Variants in GPI observed in about 807,000 individuals in gnomAD.
The protein encoded by GPI is D-hexose-6-phosphate anomerase.
Under a neutral mutation model 75.8 loss-of-function variants are expected in GPI, and 56 were observed. The observed-to-expected ratio is 0.74, with a 90% CI of 0.60 to 0.92. The LOEUF is 0.92. GPI is among the 40% of genes least tolerant of loss of function. The pLI is 0.00. For synonymous variants in GPI, 288 were observed against 285.4 expected (o/e 1.01, Z -0.09); for missense variants, 638 against 741.0 (o/e 0.86, Z 1.61).
chr19:34,377,253 G>C (rs1488272185), intron 4 of GPI, among the ~76,000 whole-genome samples: 2 of 119,914 alleles, frequency 1.7e-5, no homozygotes, highest in Non-Finnish European at 1.6e-5. Flanking sequence ...AGGGAGCCGA[G>C]ATCATGCCAC....
At chr19:34,396,962 C>T (rs8191424) in intron 14 of GPI, among the ~76,000 whole-genome samples, 20,494 of 152,102 alleles carry the variant, frequency 0.13, 1,931 homozygotes, top group African/African-American at 0.26. Context: ...TGGCACTCAC[C>T]ACCATGGCCA....
chr19:34,367,027 AC>A (rs1373742294), intron 3 of GPI, 176 bp downstream of exon 3: 1 of 703,284 alleles, frequency 1.4e-6, no homozygotes, highest in Admixed American at 2.0e-5. Flanking sequence ...TGTGCCTTCC[AC>A]AAGATTGGTT....
At chr19:34,380,345 A>G (rs7408956) in intron 8 of GPI, among the ~76,000 whole-genome samples, 50,993 of 151,350 alleles carry the variant, frequency 0.34, 12,225 homozygotes, top group African/African-American at 0.68. Flanking sequence ...GTGCAGTGGT[A>G]CGATCTTGGC....
In GPI at chr19:34,366,770, C is replaced by G; in HGVS notation, c.214-13C>G. 3 of 1,606,042 alleles carry G rather than the reference C, an allele frequency of 1.9e-6. No individual in the cohort carries two copies. The highest frequency in any genetic ancestry group is 2.0e-4 in the Middle Eastern group (1 of 4,904). On this transcript the variant is annotated splice_polypyrimidine_tract_variant and intron_variant, in intron 2 of 17. Coordinates refer to ENST00000356487, the MANE Select transcript of GPI (RefSeq NM_000175.5). ...TGTGGGTGGGACCAGGCCTCAGTAT[C>G]GTCTCTTCCTAGGCCAAGTCCAGGG...
At chr19:34,377,966 T>C (rs1007527307) in intron 6 of GPI, 85 bp downstream of exon 6, 11 of 1,362,442 alleles carry the variant, frequency 8.1e-6, no homozygotes, top group Non-Finnish European at 1.0e-5. Context: ...CCCCTGGCCA[T>C]TGGTCCCTTT....
rs1335452979 is a variant in GPI at position 34,372,817 on chromosome 19, A to G, written c.402+4115A>G. On this transcript the variant is annotated intron_variant, in intron 4 of 17. Transcript: ENST00000356487. ...GAGACAGAGTCTCTCTCTTTCACCC[A>G]GGCTGGAGTGCAATGGCCTGATCTC... Among the ~76,000 whole-genome samples the G allele has an allele frequency of 2.0e-5, 3 of 151,928 alleles. No individual in the cohort carries two copies. In the East Asian group the frequency reaches 5.9e-4, roughly 30 times the overall value.
chr19:34,381,105 G>T, intron 8 of GPI: 1 of 378,964 alleles, frequency 2.6e-6, no homozygotes, highest in Non-Finnish European at 5.1e-6. Context: ...CCTAGGTTCG[G>T]TTCCCAGATG....
Position 34,381,447 on chromosome 19 carries a change from TTTG to T in GPI, c.751-16_751-14del, listed in dbSNP as rs1320407737. On this transcript the variant is annotated splice_polypyrimidine_tract_variant and intron_variant, in intron 8 of 17. Coordinates refer to ENST00000356487, the MANE Select transcript of GPI (RefSeq NM_000175.5). The stretch of plus-strand genomic sequence containing the variant: ...AAATGCTTCTTTGCATTTCTCTCCC[TTTG>T]TTTTTTTTTTTGTAGACCAAAGTGA... 7.0e-6 allele frequency: 11 copies of T among 1,570,402 alleles called. No individual in the cohort carries two copies. Among genetic ancestry groups the T allele is most frequent in the Non-Finnish European group, 9.6e-6 (11 of 1,141,604 alleles).
In GPI at chr19:34,378,379, A is replaced by T. The variant is rs8191373; in HGVS notation, c.633+498A>T. Among the ~76,000 whole-genome samples the T allele has an allele frequency of 9.1e-4, 138 of 151,798 alleles. 1 individual carries two copies. The highest frequency in any genetic ancestry group is 3.4e-3 in the Middle Eastern group (1 of 292). On this transcript the variant is annotated intron_variant, in intron 6 of 17. Coordinates refer to ENST00000356487, the MANE Select transcript of GPI (RefSeq NM_000175.5). ...GGCTAATTTTATTATTTATTTATTT[A>T]TTATTATTATTTTTTAGTAGAGATG...
rs561276701 is a variant in GPI, at chr19:34,392,985, C to T, written c.805-263C>T. The T allele has an allele frequency of 3.6e-5, 19 of 525,382 alleles. No homozygotes were observed. In the East Asian group the frequency reaches 6.7e-4, roughly 19 times the overall value. 32.5% of individuals were successfully genotyped at this position (525,382 alleles called of 1,614,324 possible). On this transcript the variant is annotated intron_variant, in intron 9 of 17. Coordinates refer to ENST00000356487, the MANE Select transcript of GPI (RefSeq NM_000175.5). ...TATGAGGTCCTGGGTCTGCTGGTGT[C>T]TGCAGAGACAGGGCCCGACATCTCA...
upstream of GPI, among the ~76,000 whole-genome samples, chr19:34,363,834 C>G (rs1205797884): frequency 1.3e-5 from 2 of 151,778 alleles, no homozygotes; most frequent in African/African-American, 4.8e-5. Context: ...AACAAACAAA[C>G]AAAAAAAGAA....
In GPI at chr19:34,396,393, C is replaced by G. The variant is rs150891492; in HGVS notation, c.1155C>G (p.Thr385=). 11 of 1,614,112 alleles carry G rather than the reference C, an allele frequency of 6.8e-6. No homozygotes were observed. In the African/African-American group the frequency reaches 1.3e-4, roughly 20 times the overall value. ...TGPIVWGEPG[T]NGQHAFYQLI... is the part of the protein sequence containing the mutation. ...CCATTGTGTGGGGGGAGCCAGGGAC[C>G]AATGGCCAGCATGCTTTTTACCAGC... Residue 385 remains threonine (T), a synonymous_variant, in exon 13 of 18, where the codon ACC becomes ACG. Coordinates refer to ENST00000356487, the MANE Select transcript of GPI (RefSeq NM_000175.5).
chr19:34,384,235 A>T (rs8191403), intron 9 of GPI, among the ~76,000 whole-genome samples: 5,730 of 152,230 alleles, frequency 0.038, 175 homozygotes, highest in Admixed American at 0.11. Context: ...AGACAAAGGG[A>T]TGGGGTCAGA....
At chr19:34,366,028 C>G in intron 1 of GPI, 1 of 594,700 alleles carries the variant, frequency 1.7e-6, no homozygotes, top group South Asian at 1.5e-5. Context: ...TCCCTGTCAT[C>G]TGGATGGGTG....
At chr19:34,394,860 T>C (rs1374883109) in intron 12 of GPI, among the ~76,000 whole-genome samples, 1 of 152,070 alleles carries the variant, frequency 6.6e-6, no homozygotes, top group Non-Finnish European at 1.5e-5. Context: ...ATTGCAGGCA[T>C]GCACCACCTT....
intron 14 of GPI, chr19:34,397,729 A>G (rs940199766): frequency 2.0e-5 from 3 of 149,962 alleles, no homozygotes; most frequent in Non-Finnish European, 3.0e-5. Context: ...CTGGTCTCCA[A>G]CTCCTGGGCT....
chr19:34,367,279 G>C, intron 3 of GPI: 1 of 331,518 alleles, frequency 3.0e-6, no homozygotes, highest in Non-Finnish European at 6.0e-6. Context: ...TCCTGACTCA[G>C]TATGGGAGCC....
At chr19:34,378,815 T>C in intron 6 of GPI, 119 bp from the exon 7 acceptor site, 2 of 774,898 alleles carry the variant, frequency 2.6e-6, no homozygotes, top group Non-Finnish European at 4.7e-6. Flanking sequence ...GTCACTGACC[T>C]GCAAATACTG....
intron 1 of GPI, chr19:34,365,604 G>A: frequency 2.5e-6 from 2 of 800,204 alleles, no homozygotes; most frequent in Non-Finnish European, 4.1e-6. Flanking sequence ...TCTCGGCCCC[G>A]GGTCTGCTTC....
Sources: gnomAD v4.1 joint callset for allele counts (sites outside exome capture counted in the v4.1 genomes callset) on GRCh38, gnomAD v4.1.1 for gene constraint, MANE v1.5 for transcripts, NCBI Gene and HGNC (gene_info 2026-07-23, HGNC 2026-07-21) for gene names.